Variants in ZNF536 observed in about 807,000 individuals in gnomAD.
ZNF536 encodes zinc finger protein 536.
Under a neutral mutation model 84.5 loss-of-function variants are expected in ZNF536, and 13 were observed. The ratio of observed to expected loss-of-function variants is 0.15; its 90% CI spans 0.10 to 0.24. The LOEUF (loss-of-function observed/expected upper bound fraction) is 0.24, where lower values mean the gene tolerates loss of function less well. ZNF536 is among the 10% of genes least tolerant of loss of function. ZNF536 has a pLI of 1.00. For synonymous variants in ZNF536, 811 were observed against 742.5 expected (o/e 1.09, Z -1.50); for missense variants, 1,536 against 1,747.5 (o/e 0.88, Z 2.16).
At chr19:30,382,525 T>C (rs1363644139) in intron 1 of ZNF536, among the ~76,000 whole-genome samples, 1 of 152,190 alleles carries the variant, frequency 6.6e-6, no homozygotes, top group Non-Finnish European at 1.5e-5. Context: ...GTTAATTTTT[T>C]CATTGATTAA....
rs112137160 is a variant in ZNF536, at chr19:30,264,964, T to A, written c.-189-19108T>A. Among the ~76,000 whole-genome samples, 640 of 68,076 alleles carry A rather than the reference T, an allele frequency of 9.4e-3. 1 individual carries two copies. The highest frequency in any genetic ancestry group is 0.026 in the African/African-American group (426 of 16,228). 44.7% of individuals were successfully genotyped at this position (68,076 alleles called of 152,430 possible). A position where few individuals can be genotyped will look rare whatever the true frequency, so the allele number is the denominator to read the frequency against. ...GTGTGTGTGTGTGTGTGTGTGTGTG[T>A]GTGAGAGAGAGAGAGAGAAAGAGAG... On this transcript the variant is annotated intron_variant, in intron 1 of 5. Transcript: ENST00000585628.
At chr19:30,485,011 G>A (rs1599545319) in intron 2 of ZNF536, among the ~76,000 whole-genome samples, 1 of 151,966 alleles carries the variant, frequency 6.6e-6, no homozygotes, top group South Asian at 2.1e-4. Flanking sequence ...GGGCGTGGTG[G>A]CAGGCACCTG....
At chr19:30,597,253 A>G (rs2047500166) in intron 1 of ZNF536, among the ~76,000 whole-genome samples, 1 of 152,194 alleles carries the variant, frequency 6.6e-6, no homozygotes, top group Non-Finnish European at 1.5e-5. Flanking sequence ...CTAAATATAT[A>G]TATATAGGTC....
chr19:30,579,596 C>A (rs771773978), intron 1 of ZNF536, among the ~76,000 whole-genome samples: 13 of 152,168 alleles, frequency 8.5e-5, no homozygotes, highest in Non-Finnish European at 1.8e-4. Context: ...AATCATCCCA[C>A]CGGCCACAGT....
At chr19:30,499,033 CT>C (rs36068422) in intron 2 of ZNF536, among the ~76,000 whole-genome samples, 17,899 of 134,278 alleles carry the variant, frequency 0.13, 1,339 homozygotes, top group Middle Eastern at 0.38. Context: ...TCTTTTTCTT[CT>C]TTTTTTTTTT....
At chr19:30,481,988 A>C (rs1159100587) in intron 2 of ZNF536, among the ~76,000 whole-genome samples, 1 of 152,202 alleles carries the variant, frequency 6.6e-6, no homozygotes, top group Non-Finnish European at 1.5e-5. Flanking sequence ...TTGTTGCAAA[A>C]GACATTTGTT....
chr19:30,644,708 A>G (rs2049400243), intron 1 of ZNF536, among the ~76,000 whole-genome samples: 1 of 152,174 alleles, frequency 6.6e-6, no homozygotes, highest in African/African-American at 2.4e-5. Flanking sequence ...ATCCTTTTTT[A>G]TGGCTGCACA....
At chr19:30,447,380 C>T (rs2052401756) in intron 2 of ZNF536, among the ~76,000 whole-genome samples, 1 of 152,170 alleles carries the variant, frequency 6.6e-6, no homozygotes, top group African/African-American at 2.4e-5. Context: ...TTATTACAAA[C>T]CAGTAAAGAA....
chr19:30,244,268 A>G (rs2024125341), intron 1 of ZNF536, among the ~76,000 whole-genome samples: 1 of 151,886 alleles, frequency 6.6e-6, no homozygotes, highest in South Asian at 2.1e-4. Flanking sequence ...CATTACCCCG[A>G]GTTCTTCATA....
At chr19:30,610,531 A>G (rs2048068771) in intron 1 of ZNF536, among the ~76,000 whole-genome samples, 3 of 152,194 alleles carry the variant, frequency 2.0e-5, no homozygotes. Flanking sequence ...GGGGTGAGGT[A>G]TTCCCATTCA....
At chr19:30,513,762 C>G (rs1019673860) in intron 2 of ZNF536, among the ~76,000 whole-genome samples, 1 of 151,988 alleles carries the variant, frequency 6.6e-6, no homozygotes, top group Non-Finnish European at 1.5e-5. Context: ...TCACAACCAA[C>G]TTGTTTTGGA....
chr19:30,455,923 C>T (rs2052818180), intron 2 of ZNF536, among the ~76,000 whole-genome samples: 3 of 152,240 alleles, frequency 2.0e-5, no homozygotes, highest in South Asian at 4.1e-4. Flanking sequence ...AAATGTATGT[C>T]ATATTTTTTC....
At chr19:30,656,611 C>T (rs2049925018) in intron 1 of ZNF536, among the ~76,000 whole-genome samples, 1 of 152,222 alleles carries the variant, frequency 6.6e-6, no homozygotes, top group African/African-American at 2.4e-5. Context: ...GATGTCATTC[C>T]CTTCTCGGCA....
chr19:30,396,216 T>C (rs1216116161), intron 1 of ZNF536, among the ~76,000 whole-genome samples: 1 of 152,204 alleles, frequency 6.6e-6, no homozygotes, highest in Non-Finnish European at 1.5e-5. Context: ...AGAGGGTTGA[T>C]TGGTACCTCT....
At chr19:30,258,115 C>T (rs1308264586) in intron 1 of ZNF536, among the ~76,000 whole-genome samples, 1 of 152,194 alleles carries the variant, frequency 6.6e-6, no homozygotes, top group Non-Finnish European at 1.5e-5. Context: ...ATCACCCTTA[C>T]ATCTGAGAAT....
intron 2 of ZNF536, among the ~76,000 whole-genome samples, chr19:30,462,182 G>A (rs2148431658): frequency 6.6e-6 from 1 of 152,290 alleles, no homozygotes; most frequent in South Asian, 2.1e-4. Context: ...GCTGGCACGA[G>A]GCCCTGGCCC....
intron 2 of ZNF536, among the ~76,000 whole-genome samples, chr19:30,352,159 T>G (rs2047951536): frequency 6.6e-6 from 1 of 152,180 alleles, no homozygotes; most frequent in African/African-American, 2.4e-5. Flanking sequence ...AAATGAAAGA[T>G]CCCAGTGCTA....
chr19:30,510,797 A>G (rs1271364255), intron 2 of ZNF536, among the ~76,000 whole-genome samples: 4 of 152,174 alleles, frequency 2.6e-5, no homozygotes, highest in Non-Finnish European at 5.9e-5. Flanking sequence ...GGACTGGGAG[A>G]CATGTCCTGC....
chr19:30,540,185 A>AC (rs1234717177), intron 3 of ZNF536, among the ~76,000 whole-genome samples: 1 of 149,154 alleles, frequency 6.7e-6, no homozygotes. Flanking sequence ...TACGCCCGGC[A>AC]CCCCCCAACT....
Sources: allele counts gnomAD v4.1 joint callset (sites outside exome capture counted in the v4.1 genomes callset), GRCh38; gene constraint gnomAD v4.1.1; transcripts MANE v1.5; gene names NCBI Gene and HGNC (gene_info 2026-07-23, HGNC 2026-07-21).